Variants in ANK2 observed in about 807,000 individuals in gnomAD.
ANK2 encodes the protein ankyrin 2, also known as ankyrin-2.
A neutral mutation model predicts 360.5 loss-of-function variants in ANK2; 83 were observed. The observed-to-expected ratio is 0.23, with a 90% CI of 0.19 to 0.28. ANK2 has a LOEUF of 0.28. Among genes scored for constraint, ANK2 ranks in the 10% least tolerant of loss-of-function variants. The pLI, the probability that ANK2 is intolerant of heterozygous loss-of-function variation, is 1.00. For synonymous variants in ANK2, 1,740 were observed against 1,759.5 expected (o/e 0.99, Z 0.28); for missense variants, 4,201 against 4,795.7 (o/e 0.88, Z 3.66).
the ANK2 span, among the ~76,000 whole-genome samples, chr4:112,745,190 AC>A: frequency 1.8e-4 from 28 of 152,342 alleles, no homozygotes; most frequent in African/African-American, 6.7e-4. Context: ...ACATACATTC[AC>A]CTATTATATA....
chr4:112,723,478 C>T, the ANK2 span, among the ~76,000 whole-genome samples: 1 of 152,160 alleles, frequency 6.6e-6, no homozygotes, highest in Non-Finnish European at 1.5e-5. Context: ...ATTCTCCTGC[C>T]TCAGCCTCCT....
chr4:112,772,092 G>A, the ANK2 span, among the ~76,000 whole-genome samples: 1 of 152,060 alleles, frequency 6.6e-6, no homozygotes, highest in Non-Finnish European at 1.5e-5. Context: ...AATGTGCCAA[G>A]GTGTCTATAT....
intron 2 of ANK2, among the ~76,000 whole-genome samples, chr4:112,997,902 G>A (rs1172747857): frequency 7.4e-6 from 1 of 134,708 alleles, no homozygotes; most frequent in Non-Finnish European, 1.6e-5. Flanking sequence ...ATAGAATTTT[G>A]GGCTATTTTT....
At chr4:113,131,122 A>G (rs1271209649) in intron 1 of ANK2, among the ~76,000 whole-genome samples, 1 of 152,190 alleles carries the variant, frequency 6.6e-6, no homozygotes, top group Admixed American at 6.6e-5. Flanking sequence ...TTTATTAACT[A>G]CTAATCCTCC....
At chr4:112,868,329 T>G (rs1339898415) in intron 1 of ANK2, among the ~76,000 whole-genome samples, 2 of 152,224 alleles carry the variant, frequency 1.3e-5, no homozygotes, top group Non-Finnish European at 2.9e-5. Context: ...AAGAGCATAG[T>G]GTCAGCATCT....
At position 113,358,056 on chromosome 4, in the gene ANK2, T is replaced by C. The variant is rs766992651; in HGVS notation, c.9438T>C (p.Asp3146=). Residue 3146 remains aspartate (D), a synonymous_variant, in exon 38 of 46, where the codon GAT becomes GAC. Transcript: ENST00000357077. ...CCAGGGAAGAGACTCTCTCTGAAGA[T>C]GTGAAAGAAGGGGCTACTGGGGCTG... is the stretch of plus-strand genomic sequence containing the variant. ...QESREETLSE[D]VKEGATGADP... is the part of the protein sequence containing the mutation. 51 of 1,613,942 alleles carry C rather than the reference T, an allele frequency of 3.2e-5. No homozygotes were observed. The highest frequency in any genetic ancestry group is 4.2e-5 in the Non-Finnish European group (50 of 1,179,966).
At chr4:113,172,306 A>C (rs1307239436) in intron 1 of ANK2, among the ~76,000 whole-genome samples, 2 of 152,244 alleles carry the variant, frequency 1.3e-5, no homozygotes, top group Non-Finnish European at 2.9e-5. Flanking sequence ...CAGGTGAAAT[A>C]AACCTAGAGC....
intron 1 of ANK2, among the ~76,000 whole-genome samples, chr4:112,852,383 A>G (rs2065225371): frequency 6.6e-6 from 1 of 152,196 alleles, no homozygotes; most frequent in Non-Finnish European, 1.5e-5. Flanking sequence ...AAAATTAGGA[A>G]CTTGGTTGTT....
chr4:112,793,369 A>T, the ANK2 span, among the ~76,000 whole-genome samples: 10 of 152,166 alleles, frequency 6.6e-5, no homozygotes, highest in Admixed American at 1.3e-4. Context: ...GAAATTAGTT[A>T]TATGAAAGAC....
At chr4:112,746,714 T>TA in the ANK2 span, among the ~76,000 whole-genome samples, 1 of 152,194 alleles carries the variant, frequency 6.6e-6, no homozygotes, top group Non-Finnish European at 1.5e-5. Flanking sequence ...AGTTAACACA[T>TA]TAATCTAAAG....
At chr4:112,780,000 A>G in the ANK2 span, among the ~76,000 whole-genome samples, 2 of 152,112 alleles carry the variant, frequency 1.3e-5, no homozygotes, top group Non-Finnish European at 1.5e-5. Flanking sequence ...AGGTGGGCGG[A>G]TCATCTGAAG....
At chr4:113,371,055 C>A (rs1011096056) in intron 43 of ANK2, among the ~76,000 whole-genome samples, 1 of 151,888 alleles carries the variant, frequency 6.6e-6, no homozygotes, top group African/African-American at 2.4e-5. Flanking sequence ...TAATAGAATT[C>A]AAAAACACTT....
At chr4:113,013,507 C>T (rs1181093083) in intron 2 of ANK2, among the ~76,000 whole-genome samples, 1 of 152,074 alleles carries the variant, frequency 6.6e-6, no homozygotes. Flanking sequence ...TCATACTTAT[C>T]TAAAATGTAG....
chr4:113,326,726 G>A (rs1176258853), intron 26 of ANK2, among the ~76,000 whole-genome samples: 2 of 152,060 alleles, frequency 1.3e-5, no homozygotes, highest in Admixed American at 6.5e-5. Flanking sequence ...TTTAGGCCAG[G>A]CACAGTAGCT....
intron 1 of ANK2, among the ~76,000 whole-genome samples, chr4:113,081,244 C>T (rs1343445300): frequency 6.6e-6 from 1 of 152,124 alleles, no homozygotes; most frequent in Non-Finnish European, 1.5e-5. Context: ...TTTTTAAACT[C>T]AGTATTAATT....
the ANK2 span, among the ~76,000 whole-genome samples, chr4:112,808,264 G>C: frequency 6.6e-6 from 1 of 152,314 alleles, no homozygotes; most frequent in Admixed American, 6.5e-5. Context: ...ATTTCAAGAG[G>C]AAATATTGAC....
intron 1 of ANK2, among the ~76,000 whole-genome samples, chr4:112,822,324 A>G (rs1168402097): frequency 1.3e-5 from 2 of 149,382 alleles, no homozygotes; most frequent in African/African-American, 4.9e-5. Flanking sequence ...AGACTGAGGC[A>G]GGAGAATCTC....
At chr4:112,950,137 C>T (rs1202342947) in intron 2 of ANK2, among the ~76,000 whole-genome samples, 2 of 152,108 alleles carry the variant, frequency 1.3e-5, no homozygotes, top group African/African-American at 2.4e-5. Flanking sequence ...TCTGTAACTC[C>T]ATGCTTCACT....
Position 113,353,463 on chromosome 4 carries a change from A to T in ANK2, c.4845A>T (p.Pro1615=), listed in dbSNP as rs927533605. 4 of 1,614,120 alleles carry T rather than the reference A, an allele frequency of 2.5e-6. No homozygotes were observed. The Admixed American group carries it at 5.0e-5, about 20-fold the overall frequency. Residue 1615 remains proline, a synonymous_variant, in exon 38 of 46, where the codon CCA becomes CCT. Transcript: ENST00000357077. ...QKAPLEITEY[P]CVEVRIDKEI... Reference sequence around the variant, plus strand: ...CACCTTTAGAAATCACTGAATATCCATGTGTAGAAGTTAGAATAGATAAAG... The same window carrying T: ...CACCTTTAGAAATCACTGAATATCCTTGTGTAGAAGTTAGAATAGATAAAG...
Sources: allele counts gnomAD v4.1 joint callset (sites outside exome capture counted in the v4.1 genomes callset), GRCh38; gene constraint gnomAD v4.1.1; transcripts MANE v1.5; gene names NCBI Gene and HGNC (gene_info 2026-07-23, HGNC 2026-07-21).